STK32C: variants seen among roughly 807,000 people sequenced by gnomAD.
STK32C encodes the protein serine/threonine-protein kinase 32C.
A neutral mutation model predicts 56.5 loss-of-function variants in STK32C; 31 were observed. The observed-to-expected ratio is 0.55, with a 90% CI of 0.41 to 0.74. The LOEUF is 0.74. Among genes scored for constraint, STK32C ranks in the 30% least tolerant of loss-of-function variants. The pLI is 0.00. For missense variants in STK32C, 544 were observed against 676.9 expected (o/e 0.80, Z 2.18); for synonymous variants, 309 against 289.4 (o/e 1.07, Z -0.69).
intron 2 of STK32C, among the ~76,000 whole-genome samples, chr10:132,240,309 CAG>C (rs1335620456): frequency 6.6e-6 from 1 of 152,258 alleles, no homozygotes; most frequent in African/African-American, 2.4e-5. Flanking sequence ...GGCGTGGACT[CAG>C]AGGCCACAGG....
At chr10:132,242,618 C>T (rs1035417404) in intron 2 of STK32C, among the ~76,000 whole-genome samples, 2 of 152,176 alleles carry the variant, frequency 1.3e-5, no homozygotes, top group Non-Finnish European at 1.5e-5. Context: ...TCCGAGGGCC[C>T]TGTAGTCTCC....
intron 8 of STK32C, 131 bp downstream of exon 8, chr10:132,224,275 TG>T: frequency 1.5e-6 from 1 of 689,478 alleles, no homozygotes; most frequent in Non-Finnish European, 2.5e-6. Context: ...CCCCACAGGT[TG>T]CAGTGAAGGG....
At chr10:132,268,131 G>A (rs1473039784) in intron 1 of STK32C, among the ~76,000 whole-genome samples, 3 of 148,984 alleles carry the variant, frequency 2.0e-5, no homozygotes, top group Non-Finnish European at 4.4e-5. Flanking sequence ...GTGCCTGCGT[G>A]CATGCGTCAC....
chr10:132,222,035 T>C (rs1331385630), intron 10 of STK32C, among the ~76,000 whole-genome samples: 8 of 144,354 alleles, frequency 5.5e-5, no homozygotes, highest in Non-Finnish European at 1.2e-4. Context: ...GTGTGAGGGC[T>C]TCACATGGCC....
rs1169464391 is a variant in STK32C at position 132,253,422 on chromosome 10, G to T, written c.263-7467C>A. Among the ~76,000 whole-genome samples the T allele has an allele frequency of 2.1e-5, 3 of 143,838 alleles. No individual in the cohort carries two copies. In the South Asian group the frequency reaches 6.7e-4, roughly 32 times the overall value. The allele number at this position is 143,838 out of a possible 152,430, so 94.4% of individuals were successfully genotyped here. On this transcript the variant is annotated intron_variant, in intron 1 of 11. Coordinates refer to ENST00000298630, the MANE Select transcript of STK32C (RefSeq NM_173575.4). ...GGAGTCGAGGGAGCTGGAGGGAGCT[G>T]GAGGGAGTCGAGGGAGCTGGAGGGA...
chr10:132,243,967 GC>G (rs540470419), intron 2 of STK32C, among the ~76,000 whole-genome samples: 1 of 152,334 alleles, frequency 6.6e-6, no homozygotes, highest in Admixed American at 6.5e-5. Context: ...GGTGGCTGGG[GC>G]CCCTGCTGCT....
chr10:132,278,140 G>A (rs1382513734), intron 1 of STK32C, among the ~76,000 whole-genome samples: 1 of 152,080 alleles, frequency 6.6e-6, no homozygotes, highest in African/African-American at 2.4e-5. Context: ...CTCTGACTTG[G>A]CTCTCAGAGC....
chr10:132,279,336 C>T (rs138502771), intron 1 of STK32C, among the ~76,000 whole-genome samples: 29 of 152,260 alleles, frequency 1.9e-4, no homozygotes, highest in Middle Eastern at 3.4e-3. Flanking sequence ...GGTGGAGCGG[C>T]GTGCTGATAA....
upstream of STK32C, among the ~76,000 whole-genome samples, chr10:132,309,621 G>A (rs1024690120): frequency 2.6e-5 from 4 of 152,198 alleles, no homozygotes; most frequent in African/African-American, 9.7e-5. Flanking sequence ...TTCTCCAGCA[G>A]GCACGCAGAA....
Position 132,207,623 on chromosome 10 carries a change from A to C in STK32C, c.*387T>G. On this transcript the variant is annotated 3_prime_UTR_variant, in exon 12 of 12. Coordinates refer to ENST00000298630, the MANE Select transcript of STK32C (RefSeq NM_173575.4). ...CCCTTGACCTCCAAGACCTGAGCCGAGCCTGGGGCACCCGCGGCCTGTGCT... is the reference window on the plus strand; with the variant it reads ...CCCTTGACCTCCAAGACCTGAGCCGCGCCTGGGGCACCCGCGGCCTGTGCT... 5.3e-6 allele frequency: 1 copy of C among 187,906 alleles called. No homozygotes were observed. Among genetic ancestry groups the C allele is most frequent in the Non-Finnish European group, 1.1e-5 (1 of 92,196 alleles). The allele number at this position is 187,906 out of a possible 1,614,324, so 11.6% of individuals were successfully genotyped here.
At position 132,255,016 on chromosome 10, in the gene STK32C, G is replaced by C. The variant is rs2064058062; in HGVS notation, c.263-9061C>G. Among the ~76,000 whole-genome samples, 1 of 152,042 alleles carries C rather than the reference G, an allele frequency of 6.6e-6. No homozygotes were observed. The highest frequency in any genetic ancestry group is 2.4e-5 in the African/African-American group (1 of 41,412). ...ATCCGGAAGAGGCCCCCACGTCCAAGTGTCCTCAGGCAGAACCAGCCCGTT... is the reference window on the plus strand; with the variant it reads ...ATCCGGAAGAGGCCCCCACGTCCAACTGTCCTCAGGCAGAACCAGCCCGTT... On this transcript the variant is annotated intron_variant, in intron 1 of 11. Transcript: ENST00000298630. This position sits in a 1 kb window ranked among gnomAD's most constrained non-coding sequence, Gnocchi z 4.6.
At position 132,251,605 on chromosome 10, in the gene STK32C, C is replaced by T. The variant is rs72856747; in HGVS notation, c.263-5650G>A. On this transcript the variant is annotated intron_variant, in intron 1 of 11. Coordinates refer to ENST00000298630, the MANE Select transcript of STK32C (RefSeq NM_173575.4). ...GCACCCCAAGAGGGTGGTGGGTGCC[C>T]ACCTCAGATCGACTCTGGCTTCTGG... Among the ~76,000 whole-genome samples, 712 of 152,168 alleles carry T rather than the reference C, an allele frequency of 4.7e-3. 10 individuals carry two copies. The highest frequency in any genetic ancestry group is 0.033 in the South Asian group (160 of 4,816).
At chr10:132,261,382 A>G (rs2064301810) in intron 1 of STK32C, among the ~76,000 whole-genome samples, 1 of 152,232 alleles carries the variant, frequency 6.6e-6, no homozygotes, top group South Asian at 2.1e-4. Flanking sequence ...TCCCATTTAC[A>G]ACAGCCAAAA....
intron 1 of STK32C, among the ~76,000 whole-genome samples, chr10:132,280,444 G>C (rs1364982819): frequency 8.0e-6 from 1 of 125,006 alleles, no homozygotes; most frequent in Non-Finnish European, 1.7e-5. Flanking sequence ...CCGTGATCAC[G>C]CCACTGCACC....
chr10:132,268,455 G>A (rs1483043411), intron 1 of STK32C, among the ~76,000 whole-genome samples: 6 of 144,004 alleles, frequency 4.2e-5, no homozygotes, highest in Non-Finnish European at 3.0e-5. Context: ...CTGTGTGCAT[G>A]CATGTCCCAC....
At position 132,219,726 on chromosome 10, in the gene STK32C, G is replaced by C. The variant is rs183803322; in HGVS notation, c.1251+2915C>G. On this transcript the variant is annotated intron_variant, in intron 10 of 11. Transcript: ENST00000298630. ...CGTCCTGGAGGAGGGGCGAGGATGGGAGCCTGACCCACTGGGGGGCCGTGT... is the reference window on the plus strand; with the variant it reads ...CGTCCTGGAGGAGGGGCGAGGATGGCAGCCTGACCCACTGGGGGGCCGTGT... Among the ~76,000 whole-genome samples, 1,243 of 152,210 alleles carry C rather than the reference G, an allele frequency of 8.2e-3. 22 individuals carry two copies. The highest frequency in any genetic ancestry group is 0.036 in the South Asian group (175 of 4,816).
At chr10:132,222,378 C>G (rs1032214169) in intron 10 of STK32C, among the ~76,000 whole-genome samples, 1 of 152,082 alleles carries the variant, frequency 6.6e-6, no homozygotes, top group African/African-American at 2.4e-5. Flanking sequence ...CACACCTGGG[C>G]AAGCACGAAG....
chr10:132,267,374 T>C (rs2064577888), intron 1 of STK32C, among the ~76,000 whole-genome samples: 1 of 152,280 alleles, frequency 6.6e-6, no homozygotes, highest in Admixed American at 6.5e-5. Flanking sequence ...CACATGTGAA[T>C]GTGCATGTGT....
At chr10:132,273,571 G>C (rs1331013161) in intron 1 of STK32C, among the ~76,000 whole-genome samples, 1 of 146,626 alleles carries the variant, frequency 6.8e-6, no homozygotes, top group Non-Finnish European at 1.5e-5. Flanking sequence ...TGAACACATG[G>C]TGAGTGAATG....
Sources: allele counts gnomAD v4.1 joint callset (sites outside exome capture counted in the v4.1 genomes callset), GRCh38; gene constraint gnomAD v4.1.1; non-coding constraint Gnocchi (gnomAD v3.1); transcripts MANE v1.5; gene names NCBI Gene and HGNC (gene_info 2026-07-23, HGNC 2026-07-21).